Variants in GDPD1 observed in about 807,000 individuals in gnomAD.
GDPD1 encodes the protein lysophospholipase D GDPD1.
GDPD1 carries 28 observed loss-of-function variants against 45.1 expected under a neutral mutation model. The observed-to-expected ratio is 0.62, with a 90% confidence interval of 0.46 to 0.85. The LOEUF (loss-of-function observed/expected upper bound fraction) is 0.85. Ranked by LOEUF, GDPD1 falls within the 40% of genes least tolerant of loss-of-function variation. The probability of loss-of-function intolerance (pLI) is 0.00; values close to 1 mark genes in which losing one functional copy is unlikely to be tolerated. For missense variants in GDPD1, 256 were observed against 364.8 expected, an observed-to-expected ratio of 0.70 and a Z score of 2.43; for synonymous variants, 139 against 131.4, an observed-to-expected ratio of 1.06 and a Z score of -0.40.
intron 2 of GDPD1, among the ~76,000 whole-genome samples, chr17:59,237,999 TGGCTCATGCCTG>T: frequency 7.3e-6 from 1 of 136,476 alleles, no homozygotes; most frequent in Non-Finnish European, 1.5e-5. Flanking sequence ...CCGGGCATGG[TGGCTCATGCCTG>T]TAATCCCAGC....
At chr17:59,224,220 G>T (rs1006017165) in intron 1 of GDPD1, among the ~76,000 whole-genome samples, 1 of 152,138 alleles carries the variant, frequency 6.6e-6, no homozygotes, top group Non-Finnish European at 1.5e-5. Flanking sequence ...ATCATTCAAA[G>T]TTCAAGATGG....
chr17:59,225,821 A>C (rs2047043094), intron 1 of GDPD1, among the ~76,000 whole-genome samples: 1 of 152,110 alleles, frequency 6.6e-6, no homozygotes, highest in Non-Finnish European at 1.5e-5. Flanking sequence ...TCTAGGGTTC[A>C]AGTGATTCTC....
chr17:59,228,465 G>C (rs1684597174), intron 1 of GDPD1, among the ~76,000 whole-genome samples: 1 of 152,134 alleles, frequency 6.6e-6, no homozygotes, highest in African/African-American at 2.4e-5. Flanking sequence ...CCTTAGTAGA[G>C]CTATGCATAA....
chr17:59,245,177 A>G (rs546777141), intron 2 of GDPD1, among the ~76,000 whole-genome samples: 5 of 152,308 alleles, frequency 3.3e-5, no homozygotes, highest in African/African-American at 1.2e-4. Context: ...TATTCTGTCT[A>G]TTATATTCAG....
chr17:59,237,940 GC>G (rs2047145639), intron 2 of GDPD1, among the ~76,000 whole-genome samples: 1 of 146,302 alleles, frequency 6.8e-6, no homozygotes, highest in African/African-American at 2.5e-5. Context: ...CACAGCCTGG[GC>G]AACAGAGCAA....
intron 1 of GDPD1, among the ~76,000 whole-genome samples, chr17:59,227,908 G>A (rs1258923665): frequency 1.3e-5 from 2 of 152,086 alleles, no homozygotes; most frequent in African/African-American, 2.4e-5. Flanking sequence ...AGTGGCTTAC[G>A]CCTGTAATCA....
chr17:59,252,066 G>A (rs953391086), intron 4 of GDPD1, among the ~76,000 whole-genome samples: 14 of 148,414 alleles, frequency 9.4e-5, no homozygotes, highest in Middle Eastern at 3.5e-3. Flanking sequence ...AAGTGGTTCC[G>A]TTTTTTCTAT....
chr17:59,231,744 A>G (rs540718074), intron 1 of GDPD1, among the ~76,000 whole-genome samples: 1 of 152,208 alleles, frequency 6.6e-6, no homozygotes, highest in East Asian at 1.9e-4. Flanking sequence ...TGGATGACTA[A>G]CATCGTTGAC....
intron 2 of GDPD1, among the ~76,000 whole-genome samples, chr17:59,242,867 C>T (rs1007708630): frequency 6.6e-6 from 1 of 152,198 alleles, no homozygotes; most frequent in African/African-American, 2.4e-5. Context: ...TGGCTCCACC[C>T]CCTCCTTGCA....
In GDPD1 at chr17:59,270,930, C is replaced by T. The variant is rs2047439371; in HGVS notation, c.711-6C>T. 3.8e-6 allele frequency: 6 copies of T among 1,574,892 alleles called. No individual in the cohort carries two copies. Among genetic ancestry groups the T allele is most frequent in the Non-Finnish European group, 5.2e-6 (6 of 1,152,040 alleles). On this transcript the variant is annotated splice_polypyrimidine_tract_variant and splice_region_variant and intron_variant, in intron 7 of 9. Transcript: ENST00000284116. Reference sequence around the variant, plus strand: ...AATTTGTAATTCAAACTTTATTTTACCCTAGGCTAAAAGAACCACACACCA... The same window carrying T: ...AATTTGTAATTCAAACTTTATTTTATCCTAGGCTAAAAGAACCACACACCA...
At chr17:59,220,847 T>A in intron 1 of GDPD1, 96 bp downstream of exon 1, 2 of 1,376,278 alleles carry the variant, frequency 1.5e-6, no homozygotes, top group Non-Finnish European at 1.0e-6. Flanking sequence ...TCCCTGAGAG[T>A]TTGAGGAAGA....
chr17:59,260,983 GGTT>G (rs1307246704), intron 6 of GDPD1: 5 of 152,112 alleles, frequency 3.3e-5, no homozygotes, highest in African/African-American at 7.2e-5. Flanking sequence ...AGTTTGTTGT[GGTT>G]GTTGTTTTGG....
rs761186667 is a variant in GDPD1 at position 59,220,780 on chromosome 17, G to A, written c.142+29G>A. ...AGAGGGGTCCCCAGAACCCGATGAC[G>A]GAGGTGGGGGAGGCTGAGGGTCCTT... On this transcript the variant is annotated intron_variant, in intron 1 of 9. Coordinates refer to ENST00000284116, the MANE Select transcript of GDPD1 (RefSeq NM_182569.4). The A allele has an allele frequency of 1.9e-6, 3 of 1,606,020 alleles. No homozygotes were observed. In the South Asian group the frequency reaches 3.3e-5, roughly 18 times the overall value.
At chr17:59,255,849 A>ACACACACG (rs2047302288) in intron 4 of GDPD1, among the ~76,000 whole-genome samples, 1 of 85,180 alleles carries the variant, frequency 1.2e-5, no homozygotes, top group Non-Finnish European at 2.1e-5. Flanking sequence ...ATATATATAT[A>ACACACACG]TACACACGTA....
At chr17:59,227,313 G>A (rs1044874278) in intron 1 of GDPD1, among the ~76,000 whole-genome samples, 3 of 151,894 alleles carry the variant, frequency 2.0e-5, no homozygotes, top group African/African-American at 7.3e-5. Context: ...TAGCTACTCG[G>A]GAGGCTGAGG....
intron 7 of GDPD1, among the ~76,000 whole-genome samples, chr17:59,268,531 AT>A (rs1472135996): frequency 1.5e-5 from 2 of 133,082 alleles, no homozygotes; most frequent in South Asian, 2.5e-4. Context: ...GTGAGCGGAG[AT>A]TGCGCCACTG....
intron 4 of GDPD1, among the ~76,000 whole-genome samples, chr17:59,250,537 G>A (rs2047244701): frequency 6.8e-6 from 1 of 147,910 alleles, no homozygotes; most frequent in Admixed American, 6.9e-5. Flanking sequence ...AATCCCTTGA[G>A]CCCAGGAGTT....
rs1272866434 is a variant in GDPD1, at chr17:59,268,011, G to T, written c.710+837G>T. Among the ~76,000 whole-genome samples, 3 of 152,064 alleles carry T rather than the reference G, an allele frequency of 2.0e-5. No homozygotes were observed. The East Asian group carries it at 5.8e-4, about 29-fold the overall frequency. On this transcript the variant is annotated intron_variant, in intron 7 of 9. Coordinates refer to ENST00000284116, the MANE Select transcript of GDPD1 (RefSeq NM_182569.4). The stretch of plus-strand genomic sequence containing the variant: ...GTAATTCCACTACTAGAAAAGCCTT[G>T]CATTTCACTTGCTAATTTACTAGCA...
At position 59,223,947 on chromosome 17, in the gene GDPD1, G is replaced by T. The variant is rs531440201; in HGVS notation, c.142+3196G>T. On this transcript the variant is annotated intron_variant, in intron 1 of 9. Coordinates refer to ENST00000284116, the MANE Select transcript of GDPD1 (RefSeq NM_182569.4). ...GGGTTGAATCACAGATGGACAGATG[G>T]CTCTTTCTCTCTCCACCTTTTTTTT... is the stretch of plus-strand genomic sequence containing the variant. Among the ~76,000 whole-genome samples the T allele has an allele frequency of 5.3e-5, 8 of 152,178 alleles. No individual in the cohort carries two copies. In the South Asian group the frequency reaches 1.5e-3, roughly 28 times the overall value.
Sources: allele counts gnomAD v4.1 joint callset (sites outside exome capture counted in the v4.1 genomes callset), GRCh38; gene constraint gnomAD v4.1.1; transcripts MANE v1.5; gene names NCBI Gene and HGNC (gene_info 2026-07-23, HGNC 2026-07-21).